Variants in ZNF507 observed in about 807,000 individuals in gnomAD.
ZNF507 encodes zinc finger protein 507.
ZNF507 carries 29 observed loss-of-function variants against 80.0 expected under a neutral mutation model. The observed-to-expected ratio is 0.36, with a 90% CI of 0.27 to 0.49. The LOEUF is 0.49. Ranked by LOEUF, ZNF507 falls within the 20% of genes least tolerant of loss-of-function variation. The pLI is 0.98. For missense variants in ZNF507, 1,081 were observed against 1,152.2 expected, an observed-to-expected ratio of 0.94 and a Z score of 0.90; for synonymous variants, 462 against 422.5, an observed-to-expected ratio of 1.09 and a Z score of -1.15.
rs757175592 is a variant in ZNF507 at position 32,356,645 on chromosome 19, G to A, written c.2157G>A (p.Gln719=). The A allele has an allele frequency of 1.9e-6, 3 of 1,613,934 alleles. No homozygotes were observed. The highest frequency in any genetic ancestry group is 2.2e-5 in the East Asian group (1 of 44,882). ...AATTGAGGAACCATGAGAGAGAACA[G>A]CACAGTCTTCCAGATACCTTGTCAA... The part of the protein sequence containing the change: ...KSQLRNHERE[Q]HSLPDTLSIA... Residue 719 remains glutamine, a synonymous_variant, in exon 4 of 7, where the codon CAG becomes CAA. Transcript: ENST00000355898.
At chr19:32,350,706 A>G (rs1159190265) in intron 2 of ZNF507, among the ~76,000 whole-genome samples, 3 of 152,226 alleles carry the variant, frequency 2.0e-5, no homozygotes, top group African/African-American at 4.8e-5. Flanking sequence ...CCAGATGATC[A>G]GTCAGCCTAC....
chr19:32,345,670 GA>G lies in ZNF507; in HGVS notation c.-206del. The G allele has an allele frequency of 6.5e-6, 1 of 152,886 alleles. No homozygotes were observed. Among genetic ancestry groups the G allele is most frequent in the Non-Finnish European group, 1.5e-5 (1 of 68,500 alleles). The allele number at this position is 152,886 out of a possible 1,614,324, so 9.5% of individuals were successfully genotyped here. A position where few individuals can be genotyped will look rare whatever the true frequency, so the allele number is the denominator to read the frequency against. On this transcript the variant is annotated 5_prime_UTR_variant, in exon 1 of 7. The change abolishes the stop of an existing upstream ORF in the 5' untranslated region. Transcript: ENST00000355898. Reference sequence around the variant, plus strand: ...CCGGATGAGGAGGGGGAAACCGGGGGAAAAGAGGGAAAAGAGCCGGGAGAGA... The same window carrying G: ...CCGGATGAGGAGGGGGAAACCGGGGGAAAGAGGGAAAAGAGCCGGGAGAGA...
chr19:32,351,736 TGTGA>T (rs1043994835), intron 2 of ZNF507, among the ~76,000 whole-genome samples: 5 of 152,106 alleles, frequency 3.3e-5, no homozygotes, highest in African/African-American at 7.2e-5. Flanking sequence ...TATTGAATGT[TGTGA>T]GTAAGATTCC....
Position 32,352,871 on chromosome 19 carries a change from T to C in ZNF507, c.41T>C (p.Ile14Thr), listed in dbSNP as rs769141187. ...AGTGTTGCCATGTTGGTGCCAGATATTGGGGAACAGGAAGCTATACTGACT... is the reference window on the plus strand; with the variant it reads ...AGTGTTGCCATGTTGGTGCCAGATACTGGGGAACAGGAAGCTATACTGACT... ...SSSVAMLVPDIGEQEAILTAE... is the reference protein window; with the variant it reads ...SSSVAMLVPDTGEQEAILTAE... Residue 14 changes from isoleucine (I) to threonine (T), a missense_variant, in exon 3 of 7, where the codon ATT (isoleucine) becomes ACT (threonine). By Grantham distance (89) the Ile-to-Thr change is moderately conservative. Transcript: ENST00000355898. The C allele has an allele frequency of 1.9e-5, 30 of 1,598,286 alleles. No homozygotes were observed. Among genetic ancestry groups the C allele is most frequent in the African/African-American group, 2.7e-5 (2 of 73,804 alleles).
At chr19:32,362,014 G>C (rs1967335751) in intron 5 of ZNF507, among the ~76,000 whole-genome samples, 1 of 151,832 alleles carries the variant, frequency 6.6e-6, no homozygotes, top group South Asian at 2.1e-4. Context: ...CGCCTCCCGG[G>C]TTCAAGTGAT....
chr19:32,371,679 G>C (rs1276211921), intron 5 of ZNF507, among the ~76,000 whole-genome samples: 1 of 139,410 alleles, frequency 7.2e-6, no homozygotes, highest in Admixed American at 7.7e-5. Context: ...TCGCTCTGTC[G>C]CCCAGGCTGG....
In ZNF507 at chr19:32,383,330, T is replaced by C; in HGVS notation, c.*247T>C. ...GAGGAAGTAGAGGTGTAATCCTGTA[T>C]TAACCCTCTGTCACCCCTTCTTAGT... On this transcript the variant is annotated 3_prime_UTR_variant, in exon 7 of 7. Transcript: ENST00000355898. 1 of 462,674 alleles carries C rather than the reference T, an allele frequency of 2.2e-6. No individual in the cohort carries two copies. Among genetic ancestry groups the C allele is most frequent in the Non-Finnish European group, 3.9e-6 (1 of 256,606 alleles). 28.7% of individuals were successfully genotyped at this position (462,674 alleles called of 1,614,324 possible).
At position 32,353,611 on chromosome 19, in the gene ZNF507, A is replaced by C; in HGVS notation, c.781A>C (p.Arg261=). Reference sequence around the variant, plus strand: ...TTGTAGTTATACTTGTGGCCAGCAGAGAATGTTGAAAACACACGCTTGGAA... The same window carrying C: ...TTGTAGTTATACTTGTGGCCAGCAGCGAATGTTGAAAACACACGCTTGGAA... ...LFCSYTCGQQ[R]MLKTHAWKHA... Residue 261 remains arginine (R), a synonymous_variant, in exon 3 of 7, where the codon AGA becomes CGA. Coordinates refer to ENST00000355898, the MANE Select transcript of ZNF507 (RefSeq NM_001136156.2). 6.2e-7 allele frequency: 1 copy of C among 1,614,244 alleles called. No individual in the cohort carries two copies. The highest frequency in any genetic ancestry group is 8.5e-7 in the Non-Finnish European group (1 of 1,180,052).
At chr19:32,368,867 G>A (rs1416194656) in intron 5 of ZNF507, among the ~76,000 whole-genome samples, 1 of 152,290 alleles carries the variant, frequency 6.6e-6, no homozygotes, top group African/African-American at 2.4e-5. Flanking sequence ...CGTTGTTTAT[G>A]TGTTCAAACC....
Position 32,354,182 on chromosome 19 carries a change from T to C in ZNF507, c.1352T>C (p.Ile451Thr). 2 of 1,613,384 alleles carry C rather than the reference T, an allele frequency of 1.2e-6. No homozygotes were observed. Among genetic ancestry groups the C allele is most frequent in the South Asian group, 1.1e-5 (1 of 91,064 alleles). The change falls in exon 3 of 7, where the codon ATT becomes ACT. Residue 451 changes from isoleucine (I) to threonine (T), a missense_variant. Ile to Thr is a moderately conservative substitution (Grantham distance 89). Coordinates refer to ENST00000355898, the MANE Select transcript of ZNF507 (RefSeq NM_001136156.2). Reference protein sequence around the residue: ...VYRADKCTVDIGGLIIGWSSS... With the variant: ...VYRADKCTVDTGGLIIGWSSS... ...CGTGCTGATAAATGTACTGTTGATA[T>C]TGGGGGATTGATCATAGGCTGGAGC...
rs1967669876 is a variant in ZNF507, at chr19:32,384,973, CATT to C, written c.*1898_*1900del. On this transcript the variant is annotated 3_prime_UTR_variant, in exon 7 of 7. Coordinates refer to ENST00000355898, the MANE Select transcript of ZNF507 (RefSeq NM_001136156.2). ...TCAAATAGAACATTTAAAATGATTT[CATT>C]ATTATTACCCATACTGTTGCCACTC... is the stretch of plus-strand genomic sequence containing the variant. 6.6e-6 allele frequency: 1 copy of C among 151,942 alleles called. No homozygotes were observed. Among genetic ancestry groups the C allele is most frequent in the South Asian group, 2.1e-4 (1 of 4,820 alleles). The allele number at this position is 151,942 out of a possible 1,614,324, so 9.4% of individuals were successfully genotyped here.
chr19:32,367,569 T>C (rs1036095263), intron 5 of ZNF507, among the ~76,000 whole-genome samples: 2 of 152,238 alleles, frequency 1.3e-5, no homozygotes, highest in Admixed American at 1.3e-4. Flanking sequence ...TTAGGACTTT[T>C]GTGTTCTTAT....
intron 2 of ZNF507, among the ~76,000 whole-genome samples, chr19:32,351,312 T>C (rs1378913192): frequency 6.6e-6 from 1 of 152,090 alleles, no homozygotes; most frequent in African/African-American, 2.4e-5. Context: ...TTGCCTGATG[T>C]GGACCTAGAT....
At chr19:32,358,696 C>A (rs1967283016) in intron 4 of ZNF507, 1 of 152,122 alleles carries the variant, frequency 6.6e-6, no homozygotes, top group Non-Finnish European at 1.5e-5. Context: ...GGGATTCAGT[C>A]TAAACAAAAC....
intron 5 of ZNF507, among the ~76,000 whole-genome samples, chr19:32,371,634 A>ATT: frequency 1.1e-5 from 1 of 92,552 alleles, no homozygotes; most frequent in East Asian, 3.4e-4. Flanking sequence ...GTTTATTATT[A>ATT]TTATTATTAT....
intron 2 of ZNF507, among the ~76,000 whole-genome samples, chr19:32,350,878 T>A (rs1967153753): frequency 6.6e-6 from 1 of 152,156 alleles, no homozygotes; most frequent in Admixed American, 6.5e-5. Context: ...TAAAGGGAAA[T>A]CAGTAGTCAC....
intron 5 of ZNF507, among the ~76,000 whole-genome samples, chr19:32,361,657 CCTT>C (rs200644309): frequency 0.061 from 9,163 of 150,804 alleles, 524 homozygotes; most frequent in Admixed American, 0.2. Context: ...TTCCTTCCTT[CCTT>C]CTTTTCTTCC....
rs368241507 is a variant in ZNF507, at chr19:32,353,542, A to C, written c.712A>C (p.Lys238Gln). The C allele has an allele frequency of 6.2e-7, 1 of 1,614,192 alleles. No individual in the cohort carries two copies. Among genetic ancestry groups the C allele is most frequent in the South Asian group, 1.1e-5 (1 of 91,088 alleles). The change falls in exon 3 of 7, where the codon AAA (lysine) becomes CAA (glutamine). Residue 238 changes from lysine (K) to glutamine (Q), a missense_variant. Coordinates refer to ENST00000355898, the MANE Select transcript of ZNF507 (RefSeq NM_001136156.2). Reference protein sequence around the residue: ...TASVAEMGRRKWYAYEQYGMY... With the variant: ...TASVAEMGRRQWYAYEQYGMY... ...ATCTGTGGCAGAAATGGGTAGGAGGAAATGGTATGCATACGAACAGTACGG... is the reference window on the plus strand; with the variant it reads ...ATCTGTGGCAGAAATGGGTAGGAGGCAATGGTATGCATACGAACAGTACGG...
intron 5 of ZNF507, 142 bp from the exon 6 acceptor site, chr19:32,382,325 A>G: frequency 9.6e-7 from 1 of 1,043,602 alleles, no homozygotes; most frequent in East Asian, 2.4e-5. Flanking sequence ...TCTTAGAATC[A>G]GTAACATCTT....
Sources: allele counts gnomAD v4.1 joint callset (sites outside exome capture counted in the v4.1 genomes callset), GRCh38; gene constraint gnomAD v4.1.1; transcripts MANE v1.5; gene names NCBI Gene and HGNC (gene_info 2026-07-23, HGNC 2026-07-21).